ERBB4: variants seen among roughly 807,000 people sequenced by gnomAD.
The protein encoded by ERBB4 is erb-b2 receptor tyrosine kinase 4, also known as receptor tyrosine-protein kinase erbB-4.
Under a neutral mutation model 158.0 loss-of-function variants are expected in ERBB4, and 42 were observed. The observed-to-expected ratio is 0.27, with a 90% confidence interval of 0.21 to 0.34. The LOEUF (loss-of-function observed/expected upper bound fraction) is 0.34, where lower values mean the gene tolerates loss of function less well. ERBB4 is among the 10% of genes least tolerant of loss of function. ERBB4 has a pLI of 1.00. For synonymous variants in ERBB4, 583 were observed against 558.7 expected, an observed-to-expected ratio of 1.04 and a Z score of -0.61; for missense variants, 1,333 against 1,624.1, an observed-to-expected ratio of 0.82 and a Z score of 3.08.
Position 211,889,251 on chromosome 2 carries a change from G to A in ERBB4, c.421+58179C>T, listed in dbSNP as rs557614626. On this transcript the variant is annotated intron_variant, in intron 3 of 27. Transcript: ENST00000342788. ...AGTGGGTCCCTGACCCCTGACCCCCGAGCAGCCTAACTGGGAGGCACCCCC... is the reference window on the plus strand; with the variant it reads ...AGTGGGTCCCTGACCCCTGACCCCCAAGCAGCCTAACTGGGAGGCACCCCC... 6.9e-4 allele frequency among the ~76,000 whole-genome samples: 100 copies of A among 144,184 alleles called. 1 individual carries two copies. The highest frequency in any genetic ancestry group is 2.2e-3 in the African/African-American group (78 of 36,100). 94.6% of individuals were successfully genotyped at this position (144,184 alleles called of 152,430 possible).
At chr2:212,298,884 C>G (rs1225593858) in intron 1 of ERBB4, among the ~76,000 whole-genome samples, 17 of 151,536 alleles carry the variant, frequency 1.1e-4, no homozygotes, top group Non-Finnish European at 1.5e-5. Flanking sequence ...GAATAATTAC[C>G]TCAAATAGTT....
chr2:211,920,309 C>A (rs2079823741), intron 3 of ERBB4, among the ~76,000 whole-genome samples: 1 of 151,920 alleles, frequency 6.6e-6, no homozygotes, highest in African/African-American at 2.4e-5. Flanking sequence ...AATAAACATG[C>A]AAGTCTAGCT....
In ERBB4 at chr2:212,479,140, C is replaced by T. The variant is rs139578872; in HGVS notation, c.82+59309G>A. Among the ~76,000 whole-genome samples, 361 of 152,196 alleles carry T rather than the reference C, an allele frequency of 2.4e-3. 2 individuals carry two copies. The highest frequency in any genetic ancestry group is 6.8e-3 in the Middle Eastern group (2 of 294). On this transcript the variant is annotated intron_variant, in intron 1 of 27. Coordinates refer to ENST00000342788, the MANE Select transcript of ERBB4 (RefSeq NM_005235.3). ...GCCAATAACTTCAATGCCAGGCATC[C>T]CTATTCTTAAAATTTCTCAGTCATT...
chr2:211,461,850 C>T (rs1254481761), intron 20 of ERBB4, among the ~76,000 whole-genome samples: 1 of 151,512 alleles, frequency 6.6e-6, no homozygotes, highest in Non-Finnish European at 1.5e-5. Flanking sequence ...TCTGGGCCAA[C>T]CATTTTAACA....
chr2:211,440,953 C>A (rs1200930334), intron 20 of ERBB4, among the ~76,000 whole-genome samples: 1 of 152,084 alleles, frequency 6.6e-6, no homozygotes, highest in South Asian at 2.1e-4. Context: ...AAATATCTGC[C>A]CAACGCATGT....
At chr2:211,638,951 T>C (rs897393477) in intron 16 of ERBB4, among the ~76,000 whole-genome samples, 2 of 152,136 alleles carry the variant, frequency 1.3e-5, no homozygotes, top group Non-Finnish European at 2.9e-5. Context: ...CATTCTCATG[T>C]TAAGGACACC....
At chr2:211,847,175 T>A (rs1255076415) in intron 3 of ERBB4, among the ~76,000 whole-genome samples, 2 of 152,084 alleles carry the variant, frequency 1.3e-5, no homozygotes, top group East Asian at 3.9e-4. Context: ...ATGCAGGGAG[T>A]CAGTTTTCCC....
At chr2:211,614,817 G>T (rs925359990) in intron 19 of ERBB4, among the ~76,000 whole-genome samples, 1 of 151,968 alleles carries the variant, frequency 6.6e-6, no homozygotes, top group African/African-American at 2.4e-5. Flanking sequence ...TGGAAATATG[G>T]AGAAGAGAAA....
chr2:211,948,436 C>CAA (rs55763428), intron 2 of ERBB4, among the ~76,000 whole-genome samples: 30 of 81,340 alleles, frequency 3.7e-4, no homozygotes, highest in African/African-American at 5.4e-4. Flanking sequence ...CTCTGTCTCA[C>CAA]AAAAAAAAAA....
intron 20 of ERBB4, among the ~76,000 whole-genome samples, chr2:211,496,623 C>T (rs1010066690): frequency 5.3e-5 from 8 of 152,006 alleles, no homozygotes; most frequent in Admixed American, 5.2e-4. Flanking sequence ...TCATCTCTCA[C>T]CTCAATTATT....
chr2:212,383,942 T>A (rs1382304319), intron 1 of ERBB4, among the ~76,000 whole-genome samples: 1 of 151,640 alleles, frequency 6.6e-6, no homozygotes, highest in Non-Finnish European at 1.5e-5. Flanking sequence ...CCATTGTCAT[T>A]GCTTGCTTGA....
intron 3 of ERBB4, among the ~76,000 whole-genome samples, chr2:211,797,985 C>A (rs2076417719): frequency 6.6e-6 from 1 of 151,922 alleles, no homozygotes; most frequent in Admixed American, 6.6e-5. Flanking sequence ...TATACAGTTT[C>A]AAATTAGTAT....
chr2:211,712,062 G>A lies in ERBB4; in HGVS notation c.1112C>T (p.Thr371Ile), dbSNP rs1317408332. ...KINGNLIFLV[T>I]GIHGDPYNAI... Reference sequence around the variant, plus strand: ...ATTTAATACTGACCCATGAATACCAGTGACTAGAAAGATCAAATTCCCATT... The same window carrying A: ...ATTTAATACTGACCCATGAATACCAATGACTAGAAAGATCAAATTCCCATT... Residue 371 changes from threonine (T) to isoleucine (I), a missense_variant, in exon 9 of 28, where the codon ACT (threonine) becomes ATT (isoleucine). Physicochemically the swap from Thr to Ile is moderately conservative, Grantham distance 89. This residue lies in a region of ERBB4 where 438 missense variants were observed against 586.9 expected (regional missense o/e 0.75). Transcript: ENST00000342788. The A allele has an allele frequency of 6.2e-7, 1 of 1,611,990 alleles. No individual in the cohort carries two copies. Among genetic ancestry groups the A allele is most frequent in the Admixed American group, 1.7e-5 (1 of 59,982 alleles).
At chr2:212,247,740 G>A (rs1208860710) in intron 1 of ERBB4, among the ~76,000 whole-genome samples, 3 of 152,306 alleles carry the variant, frequency 2.0e-5, no homozygotes, top group African/African-American at 4.8e-5. Context: ...GAGGCAGACA[G>A]ATCGCTTGAG....
intron 3 of ERBB4, among the ~76,000 whole-genome samples, chr2:211,916,107 T>C (rs2079681837): frequency 1.3e-5 from 2 of 151,828 alleles, no homozygotes; most frequent in African/African-American, 2.4e-5. Context: ...ATATCTAGAG[T>C]GCCCATATCT....
rs149260335 is a variant in ERBB4, at chr2:212,249,825, G to GA, written c.83-124923dup. Reference sequence around the variant, plus strand: ...ACCTCAGAAACACTGCATATGAAAAGAAATCAGCCGACATTTTTTCTTATT... The same window carrying GA: ...ACCTCAGAAACACTGCATATGAAAAGAAAATCAGCCGACATTTTTTCTTATT... On this transcript the variant is annotated intron_variant, in intron 1 of 27. Transcript: ENST00000342788. 9.4e-3 allele frequency among the ~76,000 whole-genome samples: 1,428 copies of GA among 152,052 alleles called. 20 individuals carry two copies. Among genetic ancestry groups the GA allele is most frequent in the African/African-American group, 0.033 (1,367 of 41,532 alleles).
chr2:211,800,976 C>A (rs1265047124), intron 3 of ERBB4, among the ~76,000 whole-genome samples: 1 of 152,152 alleles, frequency 6.6e-6, no homozygotes, highest in African/African-American at 2.4e-5. Context: ...TATCCAAACT[C>A]ATAAACTTAT....
chr2:211,770,231 T>C (rs2075656743), intron 4 of ERBB4, among the ~76,000 whole-genome samples: 1 of 152,216 alleles, frequency 6.6e-6, no homozygotes, highest in Non-Finnish European at 1.5e-5. Flanking sequence ...CTTTGTATTT[T>C]GTGGTTCTAA....
At chr2:212,206,711 C>A (rs541074650) in intron 1 of ERBB4, among the ~76,000 whole-genome samples, 1 of 151,252 alleles carries the variant, frequency 6.6e-6, no homozygotes, top group Non-Finnish European at 1.5e-5. Flanking sequence ...CTCAGCCTCC[C>A]GAGTAGCTGG....
Sources: gnomAD v4.1 joint callset for allele counts (sites outside exome capture counted in the v4.1 genomes callset) on GRCh38, gnomAD v4.1.1 for gene constraint, gnomAD v4.1.1 regional missense constraint, MANE v1.5 for transcripts, NCBI Gene and HGNC (gene_info 2026-07-23, HGNC 2026-07-21) for gene names.